Variants in EGFR observed in about 807,000 individuals in gnomAD.
The protein encoded by EGFR is epidermal growth factor receptor, also known as avian erythroblastic leukemia viral (v-erb-b) oncogene homolog.
EGFR carries 58 observed loss-of-function variants against 143.0 expected under a neutral mutation model. The ratio of observed to expected loss-of-function variants is 0.41; its 90% CI spans 0.33 to 0.50. The LOEUF (loss-of-function observed/expected upper bound fraction) is 0.50. Ranked by LOEUF, EGFR falls within the 20% of genes least tolerant of loss-of-function variation. EGFR has a pLI of 0.39. For missense variants in EGFR, 1,307 were observed against 1,579.0 expected, an observed-to-expected ratio of 0.83 and a Z score of 2.92; for synonymous variants, 613 against 594.4, an observed-to-expected ratio of 1.03 and a Z score of -0.45.
At chr7:55,071,518 C>A (rs1336778959) in intron 1 of EGFR, among the ~76,000 whole-genome samples, 1 of 152,198 alleles carries the variant, frequency 6.6e-6, no homozygotes, top group Non-Finnish European at 1.5e-5. Context: ...AGACCAGCAC[C>A]CACCTCTCCA....
chr7:55,198,059 A>G (rs1285913483), intron 22 of EGFR, among the ~76,000 whole-genome samples: 1 of 152,140 alleles, frequency 6.6e-6, no homozygotes, highest in East Asian at 1.9e-4. Context: ...TTTTTGGAAT[A>G]GTTTCAGTAG....
rs377187758 is a variant in EGFR at position 55,173,049 on chromosome 7, G to T, written c.1986G>T (p.Leu662=). 3.1e-6 allele frequency: 5 copies of T among 1,613,752 alleles called. No individual in the cohort carries two copies. Among genetic ancestry groups the T allele is most frequent in the Non-Finnish European group, 4.2e-6 (5 of 1,180,038 alleles). Residue 662 remains leucine, a synonymous_variant, in exon 17 of 28, where the codon CTG becomes CTT. Coordinates refer to ENST00000275493, the MANE Select transcript of EGFR (RefSeq NM_005228.5). ...GALLLLLVVA[L]GIGLFMRRRH... is the part of the protein sequence containing the mutation. ...TCCTCTTGCTGCTGGTGGTGGCCCT[G>T]GGGATCGGCCTCTTCATGCGAAGGC...
chr7:55,152,265 T>G, intron 5 of EGFR: 1 of 594,246 alleles, frequency 1.7e-6, no homozygotes, highest in Non-Finnish European at 3.2e-6. Context: ...TTTTTGTTCT[T>G]TGTATGTGCT....
intron 4 of EGFR, among the ~76,000 whole-genome samples, chr7:55,150,088 T>C (rs950399302): frequency 3.3e-5 from 5 of 152,246 alleles, no homozygotes; most frequent in African/African-American, 1.2e-4. Context: ...TAAACAGATC[T>C]TGTTTGTTTA....
intron 27 of EGFR, among the ~76,000 whole-genome samples, chr7:55,203,915 T>C (rs968810501): frequency 6.6e-6 from 1 of 151,210 alleles, no homozygotes; most frequent in African/African-American, 2.4e-5. Context: ...AATATCTATG[T>C]CATATATATC....
At chr7:55,030,227 T>A (rs1787173230) in intron 1 of EGFR, among the ~76,000 whole-genome samples, 1 of 152,252 alleles carries the variant, frequency 6.6e-6, no homozygotes, top group African/African-American at 2.4e-5. Context: ...TAGCTATGGA[T>A]GCCCCATCAC....
intron 20 of EGFR, chr7:55,181,814 C>T: frequency 2.6e-6 from 1 of 380,990 alleles, no homozygotes; most frequent in East Asian, 5.9e-5. Context: ...AATATTGCTT[C>T]CCCCATTCAG....
In EGFR at chr7:55,019,329, C is replaced by T. The variant is rs754527029; in HGVS notation, c.52C>T (p.Leu18Phe). The T allele has an allele frequency of 2.0e-6, 3 of 1,521,918 alleles. No individual in the cohort carries two copies. In the Admixed American group the frequency reaches 5.7e-5, roughly 29 times the overall value. 94.3% of individuals were successfully genotyped at this position (1,521,918 alleles called of 1,614,324 possible). ...GAALLALLAALCPASRALEEK... is the reference protein window; with the variant it reads ...GAALLALLAAFCPASRALEEK... Reference sequence around the variant, plus strand: ...AGCGCTCCTGGCGCTGCTGGCTGCGCTCTGCCCGGCGAGTCGGGCTCTGGA... The same window carrying T: ...AGCGCTCCTGGCGCTGCTGGCTGCGTTCTGCCCGGCGAGTCGGGCTCTGGA... The change falls in exon 1 of 28, where the codon CTC becomes TTC. Residue 18 changes from leucine to phenylalanine, a missense_variant. Physicochemically the swap from Leu to Phe is conservative, Grantham distance 22. This residue lies in a region of EGFR where 65 missense variants were observed against 37.8 expected (regional missense o/e 1.72). Transcript: ENST00000275493.
intron 1 of EGFR, among the ~76,000 whole-genome samples, chr7:55,058,674 T>C (rs1788982203): frequency 1.3e-5 from 2 of 152,018 alleles, no homozygotes; most frequent in African/African-American, 4.8e-5. Context: ...AAGGATACAC[T>C]GGGGCCTACT....
At chr7:55,187,522 C>T (rs916861542) in intron 20 of EGFR, among the ~76,000 whole-genome samples, 11 of 152,182 alleles carry the variant, frequency 7.2e-5, no homozygotes, top group African/African-American at 2.2e-4. Flanking sequence ...GCAGGGTGCC[C>T]GTGCTGCACC....
At chr7:55,186,866 G>A (rs1174263892) in intron 20 of EGFR, among the ~76,000 whole-genome samples, 1 of 152,226 alleles carries the variant, frequency 6.6e-6, no homozygotes, top group East Asian at 1.9e-4. Flanking sequence ...GCACAGGGAG[G>A]GTGAGCTCCA....
At chr7:55,084,947 T>C (rs913346893) in intron 1 of EGFR, among the ~76,000 whole-genome samples, 2 of 152,124 alleles carry the variant, frequency 1.3e-5, no homozygotes, top group African/African-American at 4.8e-5. Context: ...TCTTCCATAG[T>C]CAGGCATATT....
intron 1 of EGFR, among the ~76,000 whole-genome samples, chr7:55,060,770 G>A (rs771453988): frequency 2.0e-5 from 3 of 152,202 alleles, no homozygotes; most frequent in African/African-American, 4.8e-5. Flanking sequence ...AAGGGTATGA[G>A]TAGGTTTTGG....
In EGFR at chr7:55,205,308, T is replaced by C. The variant is rs113361141; in HGVS notation, c.3324T>C (p.Pro1108=). The C allele has an allele frequency of 6.2e-7, 1 of 1,612,646 alleles. No homozygotes were observed. Among genetic ancestry groups the C allele is most frequent in the Non-Finnish European group, 8.5e-7 (1 of 1,179,234 alleles). ...PKRPAGSVQN[P]VYHNQPLNPA... is the part of the protein sequence containing the mutation. ...GGCCCGCTGGCTCTGTGCAGAATCC[T>C]GTCTATCACAATCAGCCTCTGAACC... Residue 1108 remains proline, a synonymous_variant, in exon 28 of 28, where the codon CCT becomes CCC. Coordinates refer to ENST00000275493, the MANE Select transcript of EGFR (RefSeq NM_005228.5).
chr7:55,121,743 T>C (rs1188291692), intron 1 of EGFR, among the ~76,000 whole-genome samples: 2 of 152,240 alleles, frequency 1.3e-5, no homozygotes, highest in Non-Finnish European at 2.9e-5. Context: ...TAAATCGAAG[T>C]TAATATTAGA....
intron 26 of EGFR, 39 bp downstream of exon 26, chr7:55,201,821 T>A (rs1787862800): frequency 6.2e-7 from 1 of 1,600,888 alleles, no homozygotes. Context: ...TTTACAGCTC[T>A]CCACTATGGC....
At chr7:55,157,535 G>T (rs1043235777) in intron 10 of EGFR, 128 bp from the exon 11 acceptor site, 2 of 822,996 alleles carry the variant, frequency 2.4e-6, no homozygotes, top group African/African-American at 3.4e-5. Context: ...TAATGAAAAA[G>T]AAAGCAAATC....
rs1171743336 is a variant in EGFR at position 55,160,139 on chromosome 7, T to A, written c.1299T>A (p.His433Gln). The A allele has an allele frequency of 6.2e-7, 1 of 1,614,138 alleles. No individual in the cohort carries two copies. The highest frequency in any genetic ancestry group is 8.5e-7 in the Non-Finnish European group (1 of 1,180,004). Residue 433 changes from histidine to glutamine, a missense_variant and splice_region_variant, in exon 12 of 28, where the codon CAT becomes CAA. Physicochemically the swap from His to Gln is conservative, Grantham distance 24. Around this residue, in one of 7 missense-constraint regions of EGFR, gnomAD observed 250 missense variants for 295.1 expected, o/e 0.85. Coordinates refer to ENST00000275493, the MANE Select transcript of EGFR (RefSeq NM_005228.5). ...ATGATTTTTCTTCTCTCCAATGTAG[T>A]GGTCAGTTTTCTCTTGCAGTCGTCA... ...LEIIRGRTKQ[H>Q]GQFSLAVVSL...
At chr7:55,157,267 T>C (rs1785471177) in intron 10 of EGFR, among the ~76,000 whole-genome samples, 1 of 152,214 alleles carries the variant, frequency 6.6e-6, no homozygotes, top group African/African-American at 2.4e-5. Flanking sequence ...TAGACCAAAA[T>C]AACAAGACTG....
Sources: gnomAD v4.1 joint callset for allele counts (sites outside exome capture counted in the v4.1 genomes callset) on GRCh38, gnomAD v4.1.1 for gene constraint, gnomAD v4.1.1 regional missense constraint, MANE v1.5 for transcripts, NCBI Gene and HGNC (gene_info 2026-07-23, HGNC 2026-07-21) for gene names.